Variants in LAMC2 observed in about 807,000 individuals in gnomAD.
The protein encoded by LAMC2 is laminin subunit gamma-2.
In LAMC2, 97 loss-of-function variants were observed where a neutral mutation model predicts 140.2. That is an observed-to-expected ratio of 0.69 (90% CI 0.59 to 0.82). The LOEUF (loss-of-function observed/expected upper bound fraction) is 0.82, where lower values mean the gene tolerates loss of function less well. Ranked by LOEUF, LAMC2 falls within the 40% of genes least tolerant of loss-of-function variation. The probability of loss-of-function intolerance (pLI) is 0.00; values close to 1 mark genes in which losing one functional copy is unlikely to be tolerated. For synonymous variants in LAMC2, 513 were observed against 540.2 expected (o/e 0.95, Z 0.70); for missense variants, 1,402 against 1,476.1 (o/e 0.95, Z 0.82).
chr1:183,202,991 G>A (rs1658767286), intron 1 of LAMC2, among the ~76,000 whole-genome samples: 2 of 152,222 alleles, frequency 1.3e-5, no homozygotes, highest in African/African-American at 4.8e-5. Context: ...ACCAGGCACT[G>A]TGTGATATAA....
intron 1 of LAMC2, among the ~76,000 whole-genome samples, chr1:183,186,750 A>G (rs1446148242): frequency 6.6e-6 from 1 of 152,212 alleles, no homozygotes; most frequent in East Asian, 1.9e-4. Context: ...GTTGTTATAT[A>G]CGTTCTTTCC....
chr1:183,235,700 A>T lies in LAMC2; in HGVS notation c.2426A>T (p.Asp809Val), dbSNP rs575787935. The change falls in exon 16 of 23, where the codon GAC becomes GTC. Residue 809 changes from aspartate to valine, a missense_variant. Coordinates refer to ENST00000264144, the MANE Select transcript of LAMC2 (RefSeq NM_005562.3). The part of the protein sequence containing the change: ...EGVGSGSGSP[D>V]GAVVQGLVEK... ...GTCGGAAGCGGAAGCGGTAGCCCGG[A>T]CGGTGCTGTGGTGCAAGGGCTTGTG... 9 of 1,614,198 alleles carry T rather than the reference A, an allele frequency of 5.6e-6. No individual in the cohort carries two copies. Among genetic ancestry groups the T allele is most frequent in the South Asian group, 3.3e-5 (3 of 91,078 alleles).
chr1:183,249,672 A>AAG (rs1660320370), downstream of LAMC2: 1 of 140,866 alleles, frequency 7.1e-6, no homozygotes, highest in Non-Finnish European at 1.5e-5. Flanking sequence ...CTAGCAAATG[A>AAG]AGAGTAGGGC....
Position 183,236,521 on chromosome 1 carries a change from G to T in LAMC2, c.2518G>T (p.Glu840Ter). ...LTREATQAEIEADRSYQHSLR... is the reference protein window; with the variant it reads ...LTREATQAEI ...AAGGGAGGCCACTCAAGCGGAAATT[G>T]AAGCAGATAGGTCTTATCAGCACAG... Residue 840 changes from glutamate to a stop codon, truncating the protein, a stop_gained, in exon 17 of 23, where the codon GAA (glutamate) becomes TAA (stop). Transcript: ENST00000264144. LOFTEE classifies it high-confidence loss of function. 1 of 1,613,788 alleles carries T rather than the reference G, an allele frequency of 6.2e-7. No homozygotes were observed. The highest frequency in any genetic ancestry group is 8.5e-7 in the Non-Finnish European group (1 of 1,179,828).
chr1:183,207,995 G>T lies in LAMC2; in HGVS notation c.194G>T (p.Cys65Phe). The T allele has an allele frequency of 1.9e-6, 3 of 1,614,148 alleles. No homozygotes were observed. The highest frequency in any genetic ancestry group is 2.5e-6 in the Non-Finnish European group (3 of 1,180,028). ...NCNDNTDGIH[C>F]EKCKNGFYRH... ...AATGACAACACTGATGGCATTCACTGCGAGAAGTGCAAGAATGGCTTTTAC... is the reference window on the plus strand; with the variant it reads ...AATGACAACACTGATGGCATTCACTTCGAGAAGTGCAAGAATGGCTTTTAC... Residue 65 changes from cysteine (C) to phenylalanine (F), a missense_variant, in exon 2 of 23, where the codon TGC (cysteine) becomes TTC (phenylalanine). By Grantham distance (205) the Cys-to-Phe change is radical. Around this residue, in one of 3 missense-constraint regions of LAMC2, gnomAD observed 723 missense variants for 783.3 expected, o/e 0.92. Coordinates refer to ENST00000264144, the MANE Select transcript of LAMC2 (RefSeq NM_005562.3).
At chr1:183,235,210 C>A (rs1289760999) in intron 15 of LAMC2, among the ~76,000 whole-genome samples, 2 of 151,972 alleles carry the variant, frequency 1.3e-5, no homozygotes, top group African/African-American at 4.8e-5. Flanking sequence ...AGCGAAAGTG[C>A]GTAAAGGTTG....
chr1:183,213,248 A>T (rs1659126827), intron 2 of LAMC2, among the ~76,000 whole-genome samples: 2 of 152,258 alleles, frequency 1.3e-5, no homozygotes, highest in Non-Finnish European at 2.9e-5. Flanking sequence ...TTATGCTATT[A>T]TCACTGAAGG....
chr1:183,194,222 C>T (rs887146835), intron 1 of LAMC2, among the ~76,000 whole-genome samples: 2 of 145,530 alleles, frequency 1.4e-5, no homozygotes, highest in African/African-American at 5.1e-5. Context: ...ACCCAGCCAG[C>T]AATACAGTTT....
At chr1:183,198,695 A>G (rs989308968) in intron 1 of LAMC2, among the ~76,000 whole-genome samples, 3 of 152,196 alleles carry the variant, frequency 2.0e-5, no homozygotes, top group African/African-American at 4.8e-5. Context: ...CTGCCTGAGC[A>G]CTGCAAACTG....
In LAMC2 at chr1:183,232,105, T is replaced by C; in HGVS notation, c.1858-82T>C. 6.5e-6 allele frequency: 10 copies of C among 1,541,720 alleles called. No individual in the cohort carries two copies. The South Asian group carries it at 1.0e-4, about 16-fold the overall frequency. The stretch of plus-strand genomic sequence containing the variant: ...CTAAGCATTTCTGGACTTTTAGTAT[T>C]ATCCCCTGGGTACCTGGTATTGGAT... On this transcript the variant is annotated intron_variant, in intron 12 of 22. Transcript: ENST00000264144.
In LAMC2 at chr1:183,223,261, C is replaced by T. The variant is rs369338557; in HGVS notation, c.890C>T (p.Thr297Ile). Residue 297 changes from threonine to isoleucine, a missense_variant, in exon 7 of 23, where the codon ACA becomes ATA. Physicochemically the swap from Thr to Ile is moderately conservative, Grantham distance 89. Transcript: ENST00000264144. ...VILEGAGLRITAPLMPLGKTL... is the reference protein window; with the variant it reads ...VILEGAGLRIIAPLMPLGKTL... ...CTGGAAGGTGCTGGTCTACGGATCACAGCTCCCTTGATGCCACTTGGCAAG... is the reference window on the plus strand; with the variant it reads ...CTGGAAGGTGCTGGTCTACGGATCATAGCTCCCTTGATGCCACTTGGCAAG... The T allele has an allele frequency of 5.0e-6, 8 of 1,614,084 alleles. No homozygotes were observed. The African/African-American group carries it at 6.7e-5, about 13-fold the overall frequency.
intron 16 of LAMC2, 122 bp from the exon 17 acceptor site, chr1:183,236,338 G>A: frequency 1.1e-6 from 1 of 901,228 alleles, no homozygotes; most frequent in Admixed American, 2.4e-5. Context: ...ATAGTGAGCT[G>A]TGATCACGCC....
chr1:183,233,793 AT>A (rs1042694250), intron 14 of LAMC2, among the ~76,000 whole-genome samples: 3 of 149,220 alleles, frequency 2.0e-5, no homozygotes, highest in Admixed American at 6.6e-5. Flanking sequence ...GTTGTTTTGG[AT>A]TTTTTTATGT....
At chr1:183,247,934 A>T (rs1324857961), downstream of LAMC2, among the ~76,000 whole-genome samples, 1 of 152,258 alleles carries the variant, frequency 6.6e-6, no homozygotes, top group Non-Finnish European at 1.5e-5. Context: ...TACTAATTTC[A>T]TTGAGGAGCC....
At chr1:183,187,865 A>T (rs1349922400) in intron 1 of LAMC2, among the ~76,000 whole-genome samples, 1 of 152,260 alleles carries the variant, frequency 6.6e-6, no homozygotes, top group East Asian at 1.9e-4. Flanking sequence ...CTCTTGATCC[A>T]GGGGCTCTTA....
intron 3 of LAMC2, among the ~76,000 whole-genome samples, chr1:183,217,665 G>A (rs1008058666): frequency 2.0e-5 from 3 of 152,218 alleles, no homozygotes; most frequent in Admixed American, 6.5e-5. Context: ...TAATTCCATT[G>A]ATAGGAAATG....
At position 183,228,336 on chromosome 1, in the gene LAMC2, G is replaced by T. The variant is rs111537385; in HGVS notation, c.1469-38G>T. 8.5e-5 allele frequency: 138 copies of T among 1,614,064 alleles called. 1 individual carries two copies. The African/African-American group carries it at 1.5e-3, about 17-fold the overall frequency. Reference sequence around the variant, plus strand: ...CTCTGCGTCTGGTCTTCCTCCTGATGGATGTCGACCTAGGCTTGGTCATTT... The same window carrying T: ...CTCTGCGTCTGGTCTTCCTCCTGATTGATGTCGACCTAGGCTTGGTCATTT... On this transcript the variant is annotated intron_variant, in intron 10 of 22. Coordinates refer to ENST00000264144, the MANE Select transcript of LAMC2 (RefSeq NM_005562.3). The surrounding 1 kb of genome is among the most constrained non-coding windows in gnomAD (Gnocchi z 4.3).
intron 4 of LAMC2, among the ~76,000 whole-genome samples, chr1:183,219,623 T>A (rs1403294926): frequency 6.6e-6 from 1 of 152,054 alleles, no homozygotes; most frequent in Non-Finnish European, 1.5e-5. Context: ...CCCTCCCCAC[T>A]CCTCCCCTCC....
intron 10 of LAMC2, 29 bp downstream of exon 10, chr1:183,227,726 G>A (rs921812042): frequency 1.9e-6 from 3 of 1,602,944 alleles, no homozygotes; most frequent in Non-Finnish European, 2.6e-6. Flanking sequence ...TCTGCCACCT[G>A]CCTCTTCCTG....
Sources: gnomAD v4.1 joint callset for allele counts (sites outside exome capture counted in the v4.1 genomes callset) on GRCh38, gnomAD v4.1.1 for gene constraint, gnomAD v4.1.1 regional missense constraint, Gnocchi (gnomAD v3.1) non-coding constraint, MANE v1.5 for transcripts, NCBI Gene and HGNC (gene_info 2026-07-23, HGNC 2026-07-21) for gene names.